The following ANKRD42 variants were observed in gnomAD, a reference collection of about 807,000 sequenced individuals.
ANKRD42 encodes ankyrin repeat domain 42.
Under a neutral mutation model 51.5 loss-of-function variants are expected in ANKRD42, and 43 were observed. The ratio of observed to expected loss-of-function variants is 0.83; its 90% CI spans 0.65 to 1.08. The LOEUF is 1.08. Among genes scored for constraint, ANKRD42 ranks in the 50% least tolerant of loss-of-function variants. The pLI is 0.00. For synonymous variants in ANKRD42, 203 were observed against 213.0 expected (o/e 0.95, Z 0.41); for missense variants, 608 against 629.3 (o/e 0.97, Z 0.36).
At chr11:83,237,110 G>A (rs1314004900) in intron 8 of ANKRD42, among the ~76,000 whole-genome samples, 1 of 152,166 alleles carries the variant, frequency 6.6e-6, no homozygotes, top group Non-Finnish European at 1.5e-5. Context: ...CATGTTCCAA[G>A]TTCTGTGATT....
At chr11:83,254,784 C>T (rs982286347) in intron 11 of ANKRD42, among the ~76,000 whole-genome samples, 4 of 152,194 alleles carry the variant, frequency 2.6e-5, no homozygotes, top group African/African-American at 7.2e-5. Flanking sequence ...GTATGAAGAA[C>T]AGTTGTATCA....
At chr11:83,209,321 A>G in intron 3 of ANKRD42, 3 of 860,140 alleles carry the variant, frequency 3.5e-6, no homozygotes, top group Non-Finnish European at 5.8e-6. Flanking sequence ...TTGAGGCCAA[A>G]GTGGGTGGGA....
At chr11:83,232,099 A>G (rs956247089) in intron 7 of ANKRD42, among the ~76,000 whole-genome samples, 2 of 90,040 alleles carry the variant, frequency 2.2e-5, no homozygotes, top group Non-Finnish European at 4.3e-5. Context: ...TATAAATTTT[A>G]GCTTTTTTTT....
chr11:83,240,820 G>GA lies in ANKRD42; in HGVS notation c.1085dup (p.Asn362LysfsTer2). Reference sequence around the variant, plus strand: ...GCTACAGAAATATGATATAGATGACGAAAATGAAATTGATGAAAATGATGT... The same window carrying GA: ...GCTACAGAAATATGATATAGATGACGAAAAATGAAATTGATGAAAATGATGT... On this transcript the variant is annotated frameshift_variant, in exon 9 of 11. Coordinates refer to ENST00000533342, the MANE Select transcript of ANKRD42 (RefSeq NM_001300975.2). LOFTEE classifies it high-confidence loss of function. The GA allele has an allele frequency of 6.2e-7, 1 of 1,614,052 alleles. No homozygotes were observed. Among genetic ancestry groups the GA allele is most frequent in the Non-Finnish European group, 8.5e-7 (1 of 1,179,980 alleles).
At chr11:83,199,696 A>G (rs1861794836) in intron 2 of ANKRD42, among the ~76,000 whole-genome samples, 1 of 152,320 alleles carries the variant, frequency 6.6e-6, no homozygotes, top group Non-Finnish European at 1.5e-5. Context: ...TCCCCAGCCT[A>G]TAAGCTACAA....
intron 8 of ANKRD42, among the ~76,000 whole-genome samples, 186 bp downstream of exon 8, chr11:83,236,695 A>C (rs550297625): frequency 6.6e-6 from 1 of 152,182 alleles, no homozygotes; most frequent in Non-Finnish European, 1.5e-5. Context: ...TCAAGCAGTA[A>C]TTCTCCACTG....
At chr11:83,247,130 T>G (rs561793071) in intron 10 of ANKRD42, among the ~76,000 whole-genome samples, 5 of 152,128 alleles carry the variant, frequency 3.3e-5, no homozygotes, top group Admixed American at 2.0e-4. Flanking sequence ...TTTTTTTTTT[T>G]TTAGTGTTAG....
chr11:83,198,659 A>T lies in ANKRD42; in HGVS notation c.222+17A>T. 1.3e-6 allele frequency: 2 copies of T among 1,553,894 alleles called. No individual in the cohort carries two copies. The highest frequency in any genetic ancestry group is 1.7e-6 in the Non-Finnish European group (2 of 1,148,118). ...AGTTTGGAGGTAAGAAACTATACAT[A>T]TCACTAAACTGAGGTAAGTTTTAGC... On this transcript the variant is annotated intron_variant, in intron 2 of 10. Transcript: ENST00000533342.
At chr11:83,233,670 ATTTTG>A (rs758873670) in intron 7 of ANKRD42, among the ~76,000 whole-genome samples, 13 of 151,488 alleles carry the variant, frequency 8.6e-5, no homozygotes, top group South Asian at 2.1e-4. Context: ...GCATCATTAG[ATTTTG>A]TTTTGTTTTG....
rs758432020 is a variant in ANKRD42 at position 83,248,029 on chromosome 11, A to C, written c.1409A>C (p.Glu470Ala). Residue 470 changes from glutamate to alanine, a missense_variant, in exon 11 of 11, where the codon GAA becomes GCA. Physicochemically the swap from Glu to Ala is moderately radical, Grantham distance 107 (BLOSUM62 -1). Transcript: ENST00000533342. Reference sequence around the variant, plus strand: ...TGTCAGCTTGATGAATATCGAGCAGAAGTTGATCAACTCAGGGAAACACTG... The same window carrying C: ...TGTCAGCTTGATGAATATCGAGCAGCAGTTGATCAACTCAGGGAAACACTG... ...LECQLDEYRA[E>A]VDQLRETLEK... 1.4e-5 allele frequency: 23 copies of C among 1,609,932 alleles called. No individual in the cohort carries two copies. Among genetic ancestry groups the C allele is most frequent in the Non-Finnish European group, 1.5e-5 (18 of 1,177,850 alleles).
Position 83,236,462 on chromosome 11 carries a change from T to G in ANKRD42, c.972T>G (p.Ser324Arg), listed in dbSNP as rs1303509288. The G allele has an allele frequency of 5.6e-6, 9 of 1,612,272 alleles. No individual in the cohort carries two copies. In the South Asian group the frequency reaches 1.0e-4, roughly 18 times the overall value. The change falls in exon 8 of 11, where the codon AGT becomes AGG. Residue 324 changes from serine (S) to arginine (R), a missense_variant. By Grantham distance (110) the Ser-to-Arg change is moderately radical. Transcript: ENST00000533342. ...GGTTAATTAAAATGGGAGCAGACAGTAATATTACCAACAAAGCAGGGGAGA... is the reference window on the plus strand; with the variant it reads ...GGTTAATTAAAATGGGAGCAGACAGGAATATTACCAACAAAGCAGGGGAGA... The part of the protein sequence containing the change: ...LQWLIKMGAD[S>R]NITNKAGERP...
chr11:83,236,753 T>C (rs952404864), intron 8 of ANKRD42, among the ~76,000 whole-genome samples: 3 of 152,206 alleles, frequency 2.0e-5, no homozygotes, highest in African/African-American at 7.2e-5. Flanking sequence ...TTTGGAAATG[T>C]TGGGGAAGGT....
At chr11:83,226,856 T>G (rs1220565682) in intron 6 of ANKRD42, among the ~76,000 whole-genome samples, 1 of 152,152 alleles carries the variant, frequency 6.6e-6, no homozygotes, top group African/African-American at 2.4e-5. Context: ...GCATTTCTAT[T>G]GTATTAGGTA....
downstream of ANKRD42, among the ~76,000 whole-genome samples, chr11:83,262,914 T>C (rs1373635614): frequency 6.6e-6 from 1 of 152,216 alleles, no homozygotes; most frequent in Admixed American, 6.5e-5. Flanking sequence ...TGCTACTATT[T>C]GCTGTGTGTC....
chr11:83,245,731 G>A, intron 10 of ANKRD42, 107 bp downstream of exon 10: 1 of 1,253,384 alleles, frequency 8.0e-7, no homozygotes, highest in Admixed American at 2.8e-5. Context: ...AAGGGTGTTA[G>A]GTTCCATCCT....
chr11:83,214,340 T>C, intron 5 of ANKRD42: 1 of 725,126 alleles, frequency 1.4e-6, no homozygotes, highest in Middle Eastern at 7.0e-4. Flanking sequence ...TTCCCAATCC[T>C]CCTAGAACTG....
intron 6 of ANKRD42, among the ~76,000 whole-genome samples, 165 bp from the exon 7 acceptor site, chr11:83,227,582 C>T (rs1427385362): frequency 4.6e-5 from 7 of 152,112 alleles, no homozygotes; most frequent in African/African-American, 1.7e-4. Context: ...TAGTAATAAT[C>T]TCATTTTATA....
chr11:83,225,662 C>T (rs1862857327), intron 6 of ANKRD42, among the ~76,000 whole-genome samples: 1 of 151,154 alleles, frequency 6.6e-6, no homozygotes, highest in Non-Finnish European at 1.5e-5. Context: ...CGCCTATAAT[C>T]CCAGCTACTC....
chr11:83,246,829 G>C (rs1167081845), intron 10 of ANKRD42, among the ~76,000 whole-genome samples: 2 of 152,090 alleles, frequency 1.3e-5, no homozygotes, highest in African/African-American at 4.8e-5. Flanking sequence ...TTAAAAGAAA[G>C]AAAATAAAAA....
Sources: allele counts gnomAD v4.1 joint callset (sites outside exome capture counted in the v4.1 genomes callset), GRCh38; gene constraint gnomAD v4.1.1; transcripts MANE v1.5; gene names NCBI Gene and HGNC (gene_info 2026-07-23, HGNC 2026-07-21).